Variants in FRMD5 observed in about 807,000 individuals in gnomAD.
FRMD5 encodes the protein FERM domain containing 5, also known as FERM domain-containing protein 5.
FRMD5 carries 20 observed loss-of-function variants against 69.0 expected under a neutral mutation model. The observed-to-expected ratio is 0.29, with a 90% confidence interval of 0.20 to 0.42. The LOEUF is 0.42. Ranked by LOEUF, FRMD5 falls within the 10% of genes least tolerant of loss-of-function variation. The pLI is 1.00. For synonymous variants in FRMD5, 271 were observed against 260.1 expected (o/e 1.04, Z -0.40); for missense variants, 595 against 708.6 (o/e 0.84, Z 1.82).
At chr15:44,064,383 G>C (rs1198124489) in intron 1 of FRMD5, 1 of 153,730 alleles carries the variant, frequency 6.5e-6, no homozygotes, top group Non-Finnish European at 1.4e-5. Context: ...CTGAGGTCAG[G>C]AGTTCAAGAC....
At chr15:44,194,662 G>T in intron 1 of FRMD5, 1 of 462,592 alleles carries the variant, frequency 2.2e-6, no homozygotes, top group South Asian at 2.3e-5. Context: ...TACTCGGGCG[G>T]GCTCGAGGAA....
chr15:44,034,538 A>T (rs544950751), intron 1 of FRMD5, among the ~76,000 whole-genome samples: 1 of 152,302 alleles, frequency 6.6e-6, no homozygotes, highest in East Asian at 1.9e-4. Context: ...GCAATAAAAG[A>T]TTATTGTGAA....
chr15:43,884,564 A>G (rs2088616450), intron 12 of FRMD5, among the ~76,000 whole-genome samples, 163 bp downstream of exon 12: 2 of 152,180 alleles, frequency 1.3e-5, no homozygotes, highest in Admixed American at 1.3e-4. Flanking sequence ...ATTAAGGGTC[A>G]AAGACTTCTC....
At chr15:44,015,481 G>C (rs1279856534) in intron 1 of FRMD5, among the ~76,000 whole-genome samples, 1 of 152,066 alleles carries the variant, frequency 6.6e-6, no homozygotes, top group Non-Finnish European at 1.5e-5. Flanking sequence ...CTAATAATGA[G>C]AAGAATATAA....
intron 1 of FRMD5, among the ~76,000 whole-genome samples, chr15:44,146,072 G>T (rs1053713696): frequency 6.6e-6 from 1 of 152,076 alleles, no homozygotes; most frequent in African/African-American, 2.4e-5. Flanking sequence ...CATATGCCAT[G>T]GTGGTTTGCT....
At chr15:44,004,191 C>T (rs897755976) in intron 1 of FRMD5, among the ~76,000 whole-genome samples, 1 of 152,134 alleles carries the variant, frequency 6.6e-6, no homozygotes. Context: ...AGTAACACAC[C>T]CACACCAGTG....
chr15:44,146,786 A>C (rs924521702), intron 1 of FRMD5, among the ~76,000 whole-genome samples: 2 of 152,108 alleles, frequency 1.3e-5, no homozygotes, highest in Non-Finnish European at 2.9e-5. Context: ...TGGGTGCATA[A>C]ACGTCTTCTT....
chr15:44,199,473 T>TC (rs1206580719), upstream of FRMD5, among the ~76,000 whole-genome samples: 3 of 152,158 alleles, frequency 2.0e-5, no homozygotes, highest in Non-Finnish European at 2.9e-5. Context: ...GGGTCCACTT[T>TC]CCAAGTCCCA....
At chr15:44,160,357 AAAAT>A (rs756026416) in intron 1 of FRMD5, among the ~76,000 whole-genome samples, 19 of 152,202 alleles carry the variant, frequency 1.2e-4, no homozygotes, top group South Asian at 6.2e-4. Flanking sequence ...TCCATCTCAA[AAAAT>A]AAATAAATAA....
Position 44,070,590 on chromosome 15 carries a change from A to G in FRMD5, c.102+124363T>C, listed in dbSNP as rs535585117. Among the ~76,000 whole-genome samples, 7 of 152,308 alleles carry G rather than the reference A, an allele frequency of 4.6e-5. No individual in the cohort carries two copies. In the East Asian group the frequency reaches 1.3e-3, roughly 29 times the overall value. On this transcript the variant is annotated intron_variant, in intron 1 of 13. Transcript: ENST00000417257. ...CTGTGGAGCCTCAGCTTCCTCAAAT[A>G]TTATAAGAATCAAAGAGATGATATA...
intron 2 of FRMD5, among the ~76,000 whole-genome samples, chr15:43,923,489 C>T (rs1049950464): frequency 6.6e-6 from 1 of 151,918 alleles, no homozygotes; most frequent in African/African-American, 2.4e-5. Flanking sequence ...GAGTGTGGAG[C>T]GGTAAGGAAA....
chr15:43,937,778 C>T (rs1168259153), intron 1 of FRMD5, among the ~76,000 whole-genome samples: 1 of 152,022 alleles, frequency 6.6e-6, no homozygotes, highest in Non-Finnish European at 1.5e-5. Context: ...ATGGGGAGAT[C>T]TGGAGCCAGA....
At chr15:44,004,793 A>G (rs546565781) in intron 1 of FRMD5, among the ~76,000 whole-genome samples, 2 of 152,358 alleles carry the variant, frequency 1.3e-5, no homozygotes, top group East Asian at 3.8e-4. Context: ...ATCAAAAGCT[A>G]AAAATGATTA....
intron 1 of FRMD5, among the ~76,000 whole-genome samples, chr15:44,009,384 T>C (rs1270546291): frequency 6.6e-6 from 1 of 152,062 alleles, no homozygotes; most frequent in African/African-American, 2.4e-5. Flanking sequence ...CTGTACATTT[T>C]TAAAGTAACA....
At chr15:44,124,650 G>A (rs569322082) in intron 1 of FRMD5, among the ~76,000 whole-genome samples, 124 of 152,244 alleles carry the variant, frequency 8.1e-4, no homozygotes, top group South Asian at 3.7e-3. Flanking sequence ...AGTGAGCCAA[G>A]ATCATCCCAC....
chr15:44,195,634 G>A (rs1253412186), upstream of FRMD5, among the ~76,000 whole-genome samples: 3 of 152,228 alleles, frequency 2.0e-5, no homozygotes, highest in East Asian at 3.9e-4. Flanking sequence ...CGCGGTTCCC[G>A]CCCTCTTGGG....
chr15:44,016,547 C>A (rs949557425), intron 1 of FRMD5, among the ~76,000 whole-genome samples: 14 of 151,978 alleles, frequency 9.2e-5, no homozygotes, highest in Non-Finnish European at 1.8e-4. Context: ...ACATGCGAAA[C>A]CCTGTCTCTA....
At chr15:43,905,647 T>C (rs1366266890) in intron 6 of FRMD5, among the ~76,000 whole-genome samples, 181 bp downstream of exon 6, 1 of 152,234 alleles carries the variant, frequency 6.6e-6, no homozygotes, top group African/African-American at 2.4e-5. Flanking sequence ...CTACAGGGCT[T>C]GTGGCTGTGA....
At chr15:44,063,769 T>C (rs1426881305) in intron 1 of FRMD5, 16 of 330,016 alleles carry the variant, frequency 4.8e-5, no homozygotes, top group Non-Finnish European at 7.7e-5. Flanking sequence ...CAAAATCAAA[T>C]GGGGTGATGC....
Sources: gnomAD v4.1 joint callset for allele counts (sites outside exome capture counted in the v4.1 genomes callset) on GRCh38, gnomAD v4.1.1 for gene constraint, MANE v1.5 for transcripts, NCBI Gene and HGNC (gene_info 2026-07-23, HGNC 2026-07-21) for gene names.